The following DPYD variants were observed in gnomAD, a reference collection of about 807,000 sequenced individuals.
DPYD encodes the protein dihydropyrimidine dehydrogenase [NADP(+)].
A neutral mutation model predicts 116.2 loss-of-function variants in DPYD; 109 were observed. The ratio of observed to expected loss-of-function variants is 0.94; its 90% confidence interval spans 0.80 to 1.10. The LOEUF is 1.10. Among genes scored for constraint, DPYD ranks in the 50% least tolerant of loss-of-function variants. DPYD has a pLI of 0.00. For missense variants in DPYD, 1,302 were observed against 1,254.5 expected, an observed-to-expected ratio of 1.04 and a Z score of -0.57; for synonymous variants, 440 against 432.0, an observed-to-expected ratio of 1.02 and a Z score of -0.23.
chr1:97,107,356 G>A (rs1037115821), intron 20 of DPYD, among the ~76,000 whole-genome samples: 2 of 152,058 alleles, frequency 1.3e-5, no homozygotes, highest in African/African-American at 4.8e-5. Flanking sequence ...CAATGTTGGT[G>A]GACAACCTGG....
At chr1:97,615,082 T>G (rs973420795) in intron 8 of DPYD, among the ~76,000 whole-genome samples, 17 of 152,262 alleles carry the variant, frequency 1.1e-4, no homozygotes, top group African/African-American at 3.8e-4. Flanking sequence ...AGCACACATT[T>G]GGAAACTTGC....
intron 10 of DPYD, among the ~76,000 whole-genome samples, chr1:97,589,790 A>AT (rs1025851100): frequency 6.6e-6 from 1 of 152,104 alleles, no homozygotes; most frequent in East Asian, 1.9e-4. Context: ...AAACCATGCT[A>AT]TTTCCAAATT....
intron 19 of DPYD, among the ~76,000 whole-genome samples, chr1:97,217,140 G>A (rs189573130): frequency 0.024 from 3,569 of 151,054 alleles, 65 homozygotes; most frequent in Non-Finnish European, 0.038. Flanking sequence ...CACGGGAGGC[G>A]GAGGTTGCAG....
At chr1:97,363,223 A>G (rs1278536169) in intron 16 of DPYD, among the ~76,000 whole-genome samples, 1 of 152,232 alleles carries the variant, frequency 6.6e-6, no homozygotes, top group Non-Finnish European at 1.5e-5. Context: ...ACTGGTCATC[A>G]GAGAAATGCA....
chr1:97,139,888 T>C (rs1373873921), intron 20 of DPYD, among the ~76,000 whole-genome samples: 1 of 152,146 alleles, frequency 6.6e-6, no homozygotes, highest in African/African-American at 2.4e-5. Flanking sequence ...TATGTATTGA[T>C]AGCCCAGAAA....
intron 2 of DPYD, among the ~76,000 whole-genome samples, chr1:97,861,683 T>C (rs113985410): frequency 0.018 from 2,808 of 152,022 alleles, 39 homozygotes; most frequent in South Asian, 0.028. Flanking sequence ...ATTAGATTCA[T>C]CCCTTACTAG....
chr1:97,310,339 C>T (rs975019295), intron 16 of DPYD, among the ~76,000 whole-genome samples: 1 of 151,694 alleles, frequency 6.6e-6, no homozygotes, highest in Non-Finnish European at 1.5e-5. Context: ...ATTTTCTTTC[C>T]CATTATCATG....
chr1:97,753,498 T>A (rs1665051858), intron 3 of DPYD, among the ~76,000 whole-genome samples: 2 of 152,100 alleles, frequency 1.3e-5, no homozygotes, highest in African/African-American at 4.8e-5. Flanking sequence ...CTGCAATAGT[T>A]CTCATAATGA....
intron 13 of DPYD, among the ~76,000 whole-genome samples, chr1:97,491,504 T>C (rs1056466531): frequency 1.3e-5 from 2 of 151,984 alleles, no homozygotes; most frequent in African/African-American, 4.8e-5. Flanking sequence ...TTAAGCTGAT[T>C]TTGAGGCCAA....
intron 20 of DPYD, among the ~76,000 whole-genome samples, chr1:97,119,001 A>AT (rs1364592729): frequency 3.9e-5 from 6 of 151,920 alleles, no homozygotes; most frequent in East Asian, 1.9e-4. Context: ...AAAATCCCTC[A>AT]TTTTTTTTCA....
At chr1:97,652,252 A>T (rs1348371917) in intron 8 of DPYD, among the ~76,000 whole-genome samples, 1 of 152,158 alleles carries the variant, frequency 6.6e-6, no homozygotes, top group Non-Finnish European at 1.5e-5. Flanking sequence ...TCTCTTAAAA[A>T]ATTCTCATGT....
chr1:97,229,503 A>G (rs1661432913), intron 19 of DPYD, among the ~76,000 whole-genome samples: 1 of 146,430 alleles, frequency 6.8e-6, no homozygotes, highest in Admixed American at 6.8e-5. Flanking sequence ...CTACCAAACT[A>G]AAATTATAAA....
intron 6 of DPYD, 79 bp from the exon 7 acceptor site, chr1:97,691,877 T>A: frequency 9.1e-7 from 1 of 1,102,594 alleles, no homozygotes; most frequent in Non-Finnish European, 1.4e-6. Flanking sequence ...AAAGGTAACA[T>A]GTCTTTATGG....
chr1:97,382,317 A>G, intron 15 of DPYD, 76 bp downstream of exon 15: 6 of 825,582 alleles, frequency 7.3e-6, no homozygotes, highest in East Asian at 5.7e-5. Context: ...ATTATTTCTC[A>G]TGGCAGCTCT....
chr1:97,764,967 T>C (rs575658579), intron 3 of DPYD, among the ~76,000 whole-genome samples: 1 of 152,336 alleles, frequency 6.6e-6, no homozygotes, highest in African/African-American at 2.4e-5. Flanking sequence ...CGTGAACTAA[T>C]ATTCTCATAT....
chr1:97,679,774 T>C (rs1322780513), intron 7 of DPYD, among the ~76,000 whole-genome samples: 1 of 152,108 alleles, frequency 6.6e-6, no homozygotes, highest in Non-Finnish European at 1.5e-5. Flanking sequence ...TCACAATGCT[T>C]GGTCAGTTCC....
chr1:97,203,051 G>C (rs1367105388), intron 19 of DPYD, among the ~76,000 whole-genome samples: 2 of 152,134 alleles, frequency 1.3e-5, no homozygotes, highest in African/African-American at 2.4e-5. Context: ...CTTTGGTTAG[G>C]AACTGTGGCT....
At chr1:97,217,302 T>C (rs995630264) in intron 19 of DPYD, among the ~76,000 whole-genome samples, 3 of 152,240 alleles carry the variant, frequency 2.0e-5, no homozygotes, top group East Asian at 1.9e-4. Context: ...AGTGTTGTAC[T>C]TGATCATGCT....
chr1:97,518,431 T>A (rs957096050), intron 12 of DPYD, among the ~76,000 whole-genome samples: 1 of 152,066 alleles, frequency 6.6e-6, no homozygotes, highest in African/African-American at 2.4e-5. Flanking sequence ...AATGTACACC[T>A]CCTTTTCTGA....
Sources: allele counts gnomAD v4.1 joint callset (sites outside exome capture counted in the v4.1 genomes callset), GRCh38; gene constraint gnomAD v4.1.1; transcripts MANE v1.5; gene names NCBI Gene and HGNC (gene_info 2026-07-23, HGNC 2026-07-21).